The following UNC5D variants were observed in gnomAD, a reference collection of about 807,000 sequenced individuals.
The protein encoded by UNC5D is unc-5 netrin receptor D, also known as netrin receptor UNC5D.
A neutral mutation model predicts 105.4 loss-of-function variants in UNC5D; 39 were observed. The observed-to-expected ratio is 0.37, with a 90% CI of 0.29 to 0.48. The LOEUF (loss-of-function observed/expected upper bound fraction) is 0.48, where lower values mean the gene tolerates loss of function less well. UNC5D is among the 20% of genes least tolerant of loss of function. The pLI is 0.98. For missense variants in UNC5D, 991 were observed against 1,202.4 expected, an observed-to-expected ratio of 0.82 and a Z score of 2.60; for synonymous variants, 452 against 450.4, an observed-to-expected ratio of 1.00 and a Z score of -0.04.
At chr8:35,460,688 C>CT (rs1030751535) in intron 1 of UNC5D, among the ~76,000 whole-genome samples, 3 of 152,210 alleles carry the variant, frequency 2.0e-5, no homozygotes, top group African/African-American at 7.2e-5. Context: ...CTGCAAGCTG[C>CT]TTGAAGCCTT....
chr8:35,604,417 T>C (rs1480114278), intron 4 of UNC5D, among the ~76,000 whole-genome samples: 2 of 152,236 alleles, frequency 1.3e-5, no homozygotes, highest in African/African-American at 4.8e-5. Context: ...AGATCAGCTG[T>C]TAGTCTGATG....
At chr8:35,529,832 A>T (rs1814202440) in intron 1 of UNC5D, among the ~76,000 whole-genome samples, 1 of 146,864 alleles carries the variant, frequency 6.8e-6, no homozygotes, top group Non-Finnish European at 1.5e-5. Flanking sequence ...GAGTTCACTC[A>T]TGATTTGGCT....
At chr8:35,405,009 G>C (rs563679820) in intron 1 of UNC5D, among the ~76,000 whole-genome samples, 32 of 152,290 alleles carry the variant, frequency 2.1e-4, no homozygotes, top group African/African-American at 7.7e-4. Context: ...TAAAAAATGA[G>C]TTTTAGAGCT....
intron 4 of UNC5D, among the ~76,000 whole-genome samples, chr8:35,605,032 CCT>C (rs1298488643): frequency 2.0e-5 from 3 of 152,178 alleles, no homozygotes. Flanking sequence ...CTGAGGCCTT[CCT>C]CTCTCAACTC....
intron 1 of UNC5D, among the ~76,000 whole-genome samples, chr8:35,294,786 G>C (rs987461688): frequency 6.6e-6 from 1 of 151,130 alleles, no homozygotes; most frequent in Non-Finnish European, 1.5e-5. Context: ...TCAATCTACG[G>C]TATGTATTAA....
intron 1 of UNC5D, among the ~76,000 whole-genome samples, chr8:35,415,951 C>A (rs1429661440): frequency 6.6e-6 from 1 of 152,098 alleles, no homozygotes; most frequent in Non-Finnish European, 1.5e-5. Context: ...CTGTAAAGTG[C>A]TGAGCAAAGT....
chr8:35,266,990 G>A (rs60350095), intron 1 of UNC5D, among the ~76,000 whole-genome samples: 3 of 151,926 alleles, frequency 2.0e-5, no homozygotes, highest in East Asian at 3.9e-4. Flanking sequence ...ATCATGAGGC[G>A]ACCAGATTGA....
chr8:35,651,593 G>A (rs562284958), intron 4 of UNC5D, among the ~76,000 whole-genome samples: 1 of 152,158 alleles, frequency 6.6e-6, no homozygotes. Context: ...ATAAAACCCT[G>A]CTGGGTGAAT....
At chr8:35,728,787 A>G (rs1332460385) in intron 10 of UNC5D, among the ~76,000 whole-genome samples, 2 of 152,224 alleles carry the variant, frequency 1.3e-5, no homozygotes, top group African/African-American at 4.8e-5. Flanking sequence ...AATATAAAAC[A>G]GGAAGCTCAG....
chr8:35,424,811 A>G (rs561065273), intron 1 of UNC5D, among the ~76,000 whole-genome samples: 7 of 152,352 alleles, frequency 4.6e-5, no homozygotes, highest in Admixed American at 2.6e-4. Context: ...TCTGCTCTTC[A>G]GGAGGTAACT....
chr8:35,768,218 G>T (rs1018966869), intron 15 of UNC5D, among the ~76,000 whole-genome samples: 4 of 151,970 alleles, frequency 2.6e-5, no homozygotes, highest in African/African-American at 7.3e-5. Flanking sequence ...TAGTTTTTCT[G>T]AAGAGCGGAT....
intron 1 of UNC5D, among the ~76,000 whole-genome samples, chr8:35,341,209 C>G (rs1429199507): frequency 1.3e-5 from 2 of 151,984 alleles, no homozygotes; most frequent in Non-Finnish European, 2.9e-5. Context: ...CCATTATAAT[C>G]TAGAAATTTT....
chr8:35,698,890 A>G (rs16884241), intron 7 of UNC5D, among the ~76,000 whole-genome samples: 8,593 of 152,182 alleles, frequency 0.056, 487 homozygotes, highest in African/African-American at 0.13. Context: ...TCCATTTTGA[A>G]TATATACAGT....
intron 14 of UNC5D, among the ~76,000 whole-genome samples, chr8:35,764,130 T>C (rs903166580): frequency 2.5e-4 from 38 of 152,316 alleles, no homozygotes; most frequent in African/African-American, 8.9e-4. Context: ...TGACCAGAGT[T>C]AGCCATAATG....
chr8:35,725,026 T>G (rs1198620577), intron 9 of UNC5D, among the ~76,000 whole-genome samples: 1 of 152,218 alleles, frequency 6.6e-6, no homozygotes, highest in Non-Finnish European at 1.5e-5. Context: ...TGATTCTGGA[T>G]TCTTAGAGCA....
rs761547122 is a variant in UNC5D, at chr8:35,759,516, G to A, written c.2313+47G>A. 3.8e-6 allele frequency: 6 copies of A among 1,584,572 alleles called. No homozygotes were observed. In the South Asian group the frequency reaches 7.0e-5, roughly 18 times the overall value. ...AACAGAAACGGCTTTGCTTTAACCG[G>A]CAAGCATGTCACAGATCCTGGCAAG... On this transcript the variant is annotated intron_variant, in intron 14 of 16. Coordinates refer to ENST00000404895, the MANE Select transcript of UNC5D (RefSeq NM_080872.4).
chr8:35,694,150 C>T (rs1234465684), intron 7 of UNC5D, among the ~76,000 whole-genome samples: 5 of 152,130 alleles, frequency 3.3e-5, no homozygotes, highest in Non-Finnish European at 7.3e-5. Context: ...AGAACCAGCT[C>T]GTCGGTGAGA....
chr8:35,779,290 G>GT (rs1366509075), intron 16 of UNC5D, among the ~76,000 whole-genome samples: 1 of 152,178 alleles, frequency 6.6e-6, no homozygotes, highest in African/African-American at 2.4e-5. Flanking sequence ...GCTTTACATA[G>GT]AAGTGTTCCC....
chr8:35,786,167 G>C (rs1430385599), intron 16 of UNC5D, among the ~76,000 whole-genome samples: 6 of 152,084 alleles, frequency 3.9e-5, no homozygotes, highest in African/African-American at 1.4e-4. Context: ...TAGGATGTCT[G>C]TTAACTGCAA....
Sources: allele counts gnomAD v4.1 joint callset (sites outside exome capture counted in the v4.1 genomes callset), GRCh38; gene constraint gnomAD v4.1.1; transcripts MANE v1.5; gene names NCBI Gene and HGNC (gene_info 2026-07-23, HGNC 2026-07-21).